Variants in STXBP6 observed in about 807,000 individuals in gnomAD.
The protein encoded by STXBP6 is syntaxin binding protein 6.
A neutral mutation model predicts 26.9 loss-of-function variants in STXBP6; 21 were observed. The ratio of observed to expected loss-of-function variants is 0.78; its 90% confidence interval spans 0.55 to 1.12. The LOEUF is 1.12. STXBP6 is among the 50% of genes most tolerant of loss of function. The pLI is 0.00. For missense variants in STXBP6, 232 were observed against 257.9 expected (o/e 0.90, Z 0.69); for synonymous variants, 97 against 92.6 (o/e 1.05, Z -0.27).
At chr14:24,952,037 T>A (rs1349743843) in intron 2 of STXBP6, among the ~76,000 whole-genome samples, 1 of 150,950 alleles carries the variant, frequency 6.6e-6, no homozygotes, top group Non-Finnish European at 1.5e-5. Flanking sequence ...ATATATAATA[T>A]ACACATATAA....
At chr14:25,032,242 A>T (rs1273268800) in intron 1 of STXBP6, among the ~76,000 whole-genome samples, 1 of 152,036 alleles carries the variant, frequency 6.6e-6, no homozygotes, top group Non-Finnish European at 1.5e-5. Context: ...CTATCACCAC[A>T]CTGGAACTAG....
At chr14:24,963,970 T>TAAAAAAAAA (rs768793147) in intron 2 of STXBP6, among the ~76,000 whole-genome samples, 2 of 64,716 alleles carry the variant, frequency 3.1e-5, no homozygotes, top group African/African-American at 5.9e-5. Flanking sequence ...AGCAAGTTTC[T>TAAAAAAAAA]AAAAAAAAAA....
At chr14:24,988,737 T>C (rs2074394500) in intron 1 of STXBP6, among the ~76,000 whole-genome samples, 1 of 152,056 alleles carries the variant, frequency 6.6e-6, no homozygotes, top group Non-Finnish European at 1.5e-5. Context: ...CAATCCAAGG[T>C]GGAAAGCAGA....
rs1471632836 is a variant in STXBP6 at position 24,819,043 on chromosome 14, C to T, written c.603G>A (p.Ala201=). ...KNSAQQFAET[A]HKLAMKHKC is the part of the protein sequence containing the mutation. The stretch of plus-strand genomic sequence containing the variant: ...TGCTCCTCTCTTGGCCCACCTTGTG[C>T]GCAGTTTCTGCAAACTGCTGGGCGC... Residue 201 remains alanine (A), a synonymous_variant, in exon 5 of 6, where the codon GCG becomes GCA. Transcript: ENST00000323944. The T allele has an allele frequency of 4.4e-6, 7 of 1,588,376 alleles. No homozygotes were observed. The highest frequency in any genetic ancestry group is 1.7e-5 in the Admixed American group (1 of 58,310).
At chr14:24,913,401 T>C (rs1016739042) in intron 2 of STXBP6, among the ~76,000 whole-genome samples, 3 of 152,222 alleles carry the variant, frequency 2.0e-5, no homozygotes, top group African/African-American at 7.2e-5. Flanking sequence ...CTAATTGTTC[T>C]GATCTGATCA....
chr14:24,834,722 C>T (rs562822088), intron 4 of STXBP6, among the ~76,000 whole-genome samples: 51 of 152,094 alleles, frequency 3.4e-4, no homozygotes, highest in South Asian at 2.1e-4. Flanking sequence ...GCCCGAACTA[C>T]GAGAGTCAAG....
intron 1 of STXBP6, among the ~76,000 whole-genome samples, chr14:24,993,233 A>C (rs2074518930): frequency 6.6e-6 from 1 of 152,166 alleles, no homozygotes; most frequent in African/African-American, 2.4e-5. Flanking sequence ...GAGTAGGTCC[A>C]AAACTGAATG....
intron 2 of STXBP6, among the ~76,000 whole-genome samples, chr14:24,886,296 C>T (rs1035804611): frequency 6.6e-6 from 1 of 152,300 alleles, no homozygotes; most frequent in East Asian, 1.9e-4. Context: ...AAAGACCCAG[C>T]TACAAGTGCC....
intron 2 of STXBP6, among the ~76,000 whole-genome samples, chr14:24,927,974 T>C (rs1367312867): frequency 1.3e-5 from 2 of 152,204 alleles, no homozygotes; most frequent in Non-Finnish European, 1.5e-5. Flanking sequence ...AATGTTGTTA[T>C]ACCTCTGCAC....
intron 4 of STXBP6, among the ~76,000 whole-genome samples, chr14:24,833,149 A>T (rs1032364905): frequency 2.6e-5 from 4 of 152,152 alleles, no homozygotes; most frequent in Non-Finnish European, 5.9e-5. Flanking sequence ...CAGGGAGTGG[A>T]TCTGCATTCA....
At chr14:24,951,201 C>T (rs370679268) in intron 2 of STXBP6, among the ~76,000 whole-genome samples, 6 of 152,240 alleles carry the variant, frequency 3.9e-5, no homozygotes, top group African/African-American at 1.4e-4. Context: ...AATAAACATA[C>T]GTGTGCATGT....
chr14:24,897,094 AT>A (rs1369004040), intron 2 of STXBP6, among the ~76,000 whole-genome samples: 2 of 152,150 alleles, frequency 1.3e-5, no homozygotes, highest in East Asian at 3.8e-4. Flanking sequence ...GATTTCCAAA[AT>A]CCAAAAAGTG....
intron 4 of STXBP6, among the ~76,000 whole-genome samples, chr14:24,840,316 TA>T (rs1339006746): frequency 2.6e-5 from 4 of 152,198 alleles, no homozygotes; most frequent in African/African-American, 4.8e-5. Flanking sequence ...CAGGGCTGTG[TA>T]TGTGACAGAG....
chr14:24,983,211 G>A (rs2074244260), intron 1 of STXBP6, among the ~76,000 whole-genome samples: 1 of 152,202 alleles, frequency 6.6e-6, no homozygotes, highest in African/African-American at 2.4e-5. Context: ...CACATCAAAA[G>A]AGGAAGGTAG....
chr14:25,020,841 T>C (rs1275643403), intron 1 of STXBP6, among the ~76,000 whole-genome samples: 1 of 152,138 alleles, frequency 6.6e-6, no homozygotes, highest in East Asian at 1.9e-4. Flanking sequence ...CAACCTCCCT[T>C]TGTCTTTCCC....
intron 2 of STXBP6, among the ~76,000 whole-genome samples, chr14:24,881,080 G>A (rs923903572): frequency 6.6e-6 from 1 of 151,310 alleles, no homozygotes. Context: ...TGCAGGTAAT[G>A]TTACCTCCAG....
At chr14:24,974,927 A>G in intron 1 of STXBP6, 77 bp from the exon 2 acceptor site, 1 of 910,814 alleles carries the variant, frequency 1.1e-6, no homozygotes, top group South Asian at 3.2e-5. Context: ...GCAGCAAGTG[A>G]ATTTGCAGGT....
intron 3 of STXBP6, 60 bp from the exon 4 acceptor site, chr14:24,856,161 T>C (rs2069326678): frequency 6.8e-7 from 1 of 1,475,436 alleles, no homozygotes. Flanking sequence ...GTTTCTAGAT[T>C]ACTCCTGTCA....
intron 1 of STXBP6, among the ~76,000 whole-genome samples, chr14:25,037,145 G>T (rs1304856162): frequency 2.0e-5 from 3 of 152,176 alleles, no homozygotes; most frequent in African/African-American, 7.2e-5. Context: ...CAGGACCGCA[G>T]GAACCAGGTT....
Sources: gnomAD v4.1 joint callset for allele counts (sites outside exome capture counted in the v4.1 genomes callset) on GRCh38, gnomAD v4.1.1 for gene constraint, MANE v1.5 for transcripts, NCBI Gene and HGNC (gene_info 2026-07-23, HGNC 2026-07-21) for gene names.